SI: variants seen among roughly 807,000 people sequenced by gnomAD.
The protein encoded by SI is sucrase-isomaltase, intestinal.
Under a neutral mutation model 253.3 loss-of-function variants are expected in SI, and 235 were observed. That is an observed-to-expected ratio of 0.93 (90% CI 0.83 to 1.03). SI has a LOEUF of 1.03. Among genes scored for constraint, SI ranks in the 50% least tolerant of loss-of-function variants. SI has a pLI of 0.00. For missense variants in SI, 2,442 were observed against 2,211.1 expected (o/e 1.10, Z -2.09); for synonymous variants, 819 against 712.0 (o/e 1.15, Z -2.39).
intron 37 of SI, among the ~76,000 whole-genome samples, chr3:165,006,192 T>A (rs1358403617): frequency 2.0e-5 from 3 of 152,208 alleles, no homozygotes; most frequent in Non-Finnish European, 4.4e-5. Flanking sequence ...CACTGCAACC[T>A]CTGCCGCCCA....
At chr3:165,030,024 A>G (rs1294398348) in intron 25 of SI, among the ~76,000 whole-genome samples, 2 of 150,798 alleles carry the variant, frequency 1.3e-5, no homozygotes, top group Non-Finnish European at 3.0e-5. Context: ...ACAAATGTAA[A>G]TGTCTCTGGG....
chr3:164,992,537 AT>A, intron 41 of SI, 140 bp from the exon 42 acceptor site: 1 of 646,252 alleles, frequency 1.5e-6, no homozygotes, highest in East Asian at 2.7e-5. Flanking sequence ...AAATTAAAAA[AT>A]ATATCAGTTG....
intron 34 of SI, among the ~76,000 whole-genome samples, chr3:165,010,361 A>G (rs563893200): frequency 5.3e-5 from 8 of 152,078 alleles, no homozygotes; most frequent in Non-Finnish European, 8.8e-5. Flanking sequence ...GGGTTTCACC[A>G]TGTTGGTCAG....
At chr3:165,040,629 T>G (rs1398078823) in intron 18 of SI, among the ~76,000 whole-genome samples, 1 of 152,076 alleles carries the variant, frequency 6.6e-6, no homozygotes, top group Non-Finnish European at 1.5e-5. Context: ...ATATTTAGTT[T>G]ATACTTTCAA....
intron 47 of SI, among the ~76,000 whole-genome samples, chr3:164,981,522 G>A (rs1559974396): frequency 6.6e-6 from 1 of 151,996 alleles, no homozygotes; most frequent in Non-Finnish European, 1.5e-5. Context: ...AAGTTTAAAC[G>A]ATTAAGGGTG....
rs774441965 is a variant in SI at position 165,049,153 on chromosome 3, T to C, written c.1689A>G (p.Gly563=). Residue 563 remains glycine, a synonymous_variant, in exon 15 of 48, where the codon GGA becomes GGG. Coordinates refer to ENST00000264382, the MANE Select transcript of SI (RefSeq NM_001041.4). ...GKQYDVHSLY[G]YSMAIATEQA... ...GCTCTGTGGCTATAGCCATGCTGTA[T>C]CCATAGAGGCTATGAACATCATACT... 1 of 1,601,056 alleles carries C rather than the reference T, an allele frequency of 6.2e-7. No individual in the cohort carries two copies. Among genetic ancestry groups the C allele is most frequent in the Admixed American group, 1.7e-5 (1 of 59,948 alleles).
chr3:165,087,387 T>C, the SI span, among the ~76,000 whole-genome samples: 1 of 151,974 alleles, frequency 6.6e-6, no homozygotes, highest in Non-Finnish European at 1.5e-5. Context: ...AAGGGAATGG[T>C]CAAGAGAATG....
In SI at chr3:164,994,168, AATATTTT is replaced by A. The variant is rs2108130710; in HGVS notation, c.4841+82_4841+88del. 4 of 1,222,080 alleles carry A rather than the reference AATATTTT, an allele frequency of 3.3e-6. No individual in the cohort carries two copies. In the South Asian group the frequency reaches 5.2e-5, roughly 16 times the overall value. 75.7% of individuals were successfully genotyped at this position (1,222,080 alleles called of 1,614,324 possible). ...AACAATGGAAAAACTGCCAATCTAA[AATATTTT>A]ATATTGCACTATAAGAGATCATTGG... On this transcript the variant is annotated intron_variant, in intron 41 of 47. Coordinates refer to ENST00000264382, the MANE Select transcript of SI (RefSeq NM_001041.4).
chr3:164,989,722 AG>A lies in SI; in HGVS notation c.5108+1630del, dbSNP rs571770339. On this transcript the variant is annotated intron_variant, in intron 44 of 47. Coordinates refer to ENST00000264382, the MANE Select transcript of SI (RefSeq NM_001041.4). ...CAATACTGACTTAAAGCTTATAAAA[AG>A]CTTCATCAAATGGAATATTATTCAG... 1.5e-4 allele frequency among the ~76,000 whole-genome samples: 23 copies of A among 152,306 alleles called. No individual in the cohort carries two copies. In the East Asian group the frequency reaches 3.9e-3, roughly 26 times the overall value.
At chr3:165,004,239 C>T (rs1718394542) in intron 37 of SI, among the ~76,000 whole-genome samples, 1 of 152,142 alleles carries the variant, frequency 6.6e-6, no homozygotes, top group African/African-American at 2.4e-5. Context: ...CAAATCACAA[C>T]TACAATGAGA....
chr3:165,029,632 T>TATA (rs1559997171), intron 25 of SI, among the ~76,000 whole-genome samples: 7 of 91,310 alleles, frequency 7.7e-5, no homozygotes, highest in African/African-American at 2.1e-4. Context: ...AACATTAGCC[T>TATA]TATATATATA....
upstream of SI, among the ~76,000 whole-genome samples, chr3:165,082,806 T>C (rs1386364092): frequency 6.6e-6 from 1 of 151,972 alleles, no homozygotes; most frequent in Non-Finnish European, 1.5e-5. Flanking sequence ...AGCTCACCAG[T>C]CAAAGTCTAT....
At chr3:165,069,624 G>A (rs1714432090) in intron 3 of SI, among the ~76,000 whole-genome samples, 1 of 152,010 alleles carries the variant, frequency 6.6e-6, no homozygotes, top group Non-Finnish European at 1.5e-5. Context: ...CTTAAAATGT[G>A]TAAGGGATTT....
chr3:165,067,945 C>G (rs1409810833), intron 5 of SI, among the ~76,000 whole-genome samples: 1 of 151,452 alleles, frequency 6.6e-6, no homozygotes, highest in African/African-American at 2.4e-5. Flanking sequence ...AGCAGAATCA[C>G]TGAGAAAAAG....
Position 165,006,892 on chromosome 3 carries a change from G to A in SI, c.4330C>T (p.Leu1444Phe), listed in dbSNP as rs1053369034. ...TGCAAAACTGATGTTCCATCACTAA[G>A]AATCTGCTCAGCTTCCATGCAAATT... ...RTICMEAEQI[L>F]SDGTSVLHYD... Residue 1444 changes from leucine (L) to phenylalanine (F), a missense_variant, in exon 37 of 48, where the codon CTT (leucine) becomes TTT (phenylalanine). Transcript: ENST00000264382. 1.2e-6 allele frequency: 2 copies of A among 1,611,858 alleles called. No homozygotes were observed. Among genetic ancestry groups the A allele is most frequent in the Non-Finnish European group, 8.5e-7 (1 of 1,178,200 alleles).
chr3:165,080,073 CAA>C (rs1271198907), upstream of SI, among the ~76,000 whole-genome samples: 1 of 151,902 alleles, frequency 6.6e-6, no homozygotes, highest in Non-Finnish European at 1.5e-5. Flanking sequence ...CTGGAAACAA[CAA>C]AAGTGTCTGT....
rs1198186633 is a variant in SI, at chr3:165,049,058, T to C, written c.1715+69A>G. ...TTGCTATTTCCTAATTATGAATACA[T>C]TGATAAATTATCAAAAACATTTTTA... On this transcript the variant is annotated intron_variant, in intron 15 of 47. Transcript: ENST00000264382. 9.8e-6 allele frequency: 9 copies of C among 914,368 alleles called. No individual in the cohort carries two copies. The East Asian group carries it at 1.2e-4, about 12-fold the overall frequency. 56.6% of individuals were successfully genotyped at this position (914,368 alleles called of 1,614,324 possible).
At position 165,012,999 on chromosome 3, in the gene SI, GT is replaced by G; in HGVS notation, c.4042del (p.Thr1348ArgfsTer13). 6.2e-7 allele frequency: 1 copy of G among 1,608,520 alleles called. No homozygotes were observed. The highest frequency in any genetic ancestry group is 8.5e-7 in the Non-Finnish European group (1 of 1,175,234). On this transcript the variant is annotated frameshift_variant, in exon 34 of 48. Transcript: ENST00000264382. LOFTEE classifies it high-confidence loss of function. ...ACTTACATTAACAGCTTCATCTTCC[GT>G]TAGAGTTTTATCTATTGTTATGTTG... ...LPNITIDKTLTEDEAVNASRA... is the reference protein window; with the variant it reads ...LPNITIDKTLXEDEAVNASRA...
Position 165,049,262 on chromosome 3 carries a change from A to G in SI, c.1598-18T>C. The G allele has an allele frequency of 7.7e-7, 1 of 1,300,448 alleles. No homozygotes were observed. Among genetic ancestry groups the G allele is most frequent in the Non-Finnish European group, 1.1e-6 (1 of 897,008 alleles). 80.6% of individuals were successfully genotyped at this position (1,300,448 alleles called of 1,614,324 possible). Reference sequence around the variant, plus strand: ...AAGAATATCTTTGAGAAAATACATAAGAAACATTTCTTATATTTTTCCATT... The same window carrying G: ...AAGAATATCTTTGAGAAAATACATAGGAAACATTTCTTATATTTTTCCATT... On this transcript the variant is annotated intron_variant, in intron 14 of 47. Transcript: ENST00000264382.
Sources: allele counts gnomAD v4.1 joint callset (sites outside exome capture counted in the v4.1 genomes callset), GRCh38; gene constraint gnomAD v4.1.1; transcripts MANE v1.5; gene names NCBI Gene and HGNC (gene_info 2026-07-23, HGNC 2026-07-21).